The following TMEM120B variants were observed in gnomAD, a reference collection of about 807,000 sequenced individuals.
The protein encoded by TMEM120B is transmembrane protein 120B.
A neutral mutation model predicts 55.5 loss-of-function variants in TMEM120B; 31 were observed. That is an observed-to-expected ratio of 0.56 (90% CI 0.42 to 0.75). The LOEUF is 0.75. Among genes scored for constraint, TMEM120B ranks in the 30% least tolerant of loss-of-function variants. The pLI is 0.00. For synonymous variants in TMEM120B, 203 were observed against 176.3 expected (o/e 1.15, Z -1.20); for missense variants, 399 against 425.5 (o/e 0.94, Z 0.55).
In TMEM120B at chr12:121,775,727, C is replaced by A. The variant is rs563651797; in HGVS notation, c.*5C>A. 3 of 1,613,728 alleles carry A rather than the reference C, an allele frequency of 1.9e-6. No homozygotes were observed. The South Asian group carries it at 3.3e-5, about 18-fold the overall frequency. On this transcript the variant is annotated 3_prime_UTR_variant, in exon 12 of 12. Coordinates refer to ENST00000449592, the MANE Select transcript of TMEM120B (RefSeq NM_001080825.2). The surrounding 1 kb of genome is among the most constrained non-coding windows in gnomAD (Gnocchi z 4.3). ...GGCAAGACAAAGCAGCCGTGAGCCT[C>A]GGGCTCCTGTGCCCTCGGCCCGGAC...
rs372637826 is a variant in TMEM120B, at chr12:121,715,996, C to T, written c.69+3032C>T. On this transcript the variant is annotated intron_variant, in intron 1 of 11. Coordinates refer to ENST00000449592, the MANE Select transcript of TMEM120B (RefSeq NM_001080825.2). Reference sequence around the variant, plus strand: ...CGTATGTGCTGGGCAGTTTCGGATACGAGATATTTGTTGGGAGCTCGGTGC... The same window carrying T: ...CGTATGTGCTGGGCAGTTTCGGATATGAGATATTTGTTGGGAGCTCGGTGC... Among the ~76,000 whole-genome samples, 6 of 149,872 alleles carry T rather than the reference C, an allele frequency of 4.0e-5. No homozygotes were observed. In the South Asian group the frequency reaches 8.6e-4, roughly 21 times the overall value.
intron 9 of TMEM120B, 95 bp downstream of exon 9, chr12:121,773,608 C>A: frequency 2.2e-6 from 2 of 913,898 alleles, no homozygotes; most frequent in Non-Finnish European, 3.2e-6. Context: ...TCCCATACAG[C>A]GGAGCCAGGC....
At chr12:121,758,320 C>T (rs1158482592) in intron 5 of TMEM120B, 2 of 985,398 alleles carry the variant, frequency 2.0e-6, no homozygotes, top group African/African-American at 1.7e-5. Flanking sequence ...TCTGCCGGCC[C>T]TCCATGCTGA....
chr12:121,766,483 C>T (rs1345878248), intron 6 of TMEM120B, among the ~76,000 whole-genome samples: 1 of 152,162 alleles, frequency 6.6e-6, no homozygotes, highest in African/African-American at 2.4e-5. Context: ...CCCCAGCGGC[C>T]CCCAGGCAGG....
chr12:121,746,803 A>G (rs151212378), intron 2 of TMEM120B, among the ~76,000 whole-genome samples: 286 of 152,016 alleles, frequency 1.9e-3, no homozygotes, highest in Non-Finnish European at 3.3e-3. Context: ...AAATACAAAA[A>G]AAAAATTAGC....
At chr12:121,751,103 CA>C in intron 4 of TMEM120B, among the ~76,000 whole-genome samples, 3 of 138,518 alleles carry the variant, frequency 2.2e-5, no homozygotes, top group Admixed American at 7.1e-5. Context: ...ACCCCACACC[CA>C]CACCCCAAAC....
intron 2 of TMEM120B, among the ~76,000 whole-genome samples, chr12:121,745,041 G>A (rs998063612): frequency 2.0e-5 from 3 of 152,178 alleles, no homozygotes; most frequent in Non-Finnish European, 4.4e-5. Flanking sequence ...TGTGGGGGCC[G>A]TGCAGTGCAC....
intron 5 of TMEM120B, among the ~76,000 whole-genome samples, chr12:121,752,855 C>G (rs1253761512): frequency 1.3e-5 from 2 of 152,044 alleles, no homozygotes; most frequent in Non-Finnish European, 2.9e-5. Flanking sequence ...AATCCCAGTA[C>G]AGTACTTTGG....
intron 1 of TMEM120B, among the ~76,000 whole-genome samples, chr12:121,730,526 C>G (rs2137043551): frequency 6.6e-6 from 1 of 151,470 alleles, no homozygotes; most frequent in Middle Eastern, 3.4e-3. Flanking sequence ...TACTGCATGC[C>G]TGTAGCCCCA....
intron 1 of TMEM120B, among the ~76,000 whole-genome samples, chr12:121,713,488 C>T (rs536976471): frequency 6.6e-6 from 1 of 152,288 alleles, no homozygotes; most frequent in East Asian, 1.9e-4. Flanking sequence ...ACCCCTATTT[C>T]CTGTCTTTGG....
chr12:121,713,068 G>T, intron 1 of TMEM120B, 104 bp downstream of exon 1: 2 of 936,126 alleles, frequency 2.1e-6, no homozygotes, highest in Non-Finnish European at 3.1e-6. Context: ...AGGGCCTAGG[G>T]AGTGCCCCGG....
intron 6 of TMEM120B, among the ~76,000 whole-genome samples, chr12:121,762,640 C>T (rs1378242844): frequency 6.6e-6 from 1 of 152,152 alleles, no homozygotes; most frequent in East Asian, 1.9e-4. Flanking sequence ...GGAATGGTTC[C>T]TCAGAGGAAA....
At chr12:121,756,252 C>T (rs1873472579) in intron 5 of TMEM120B, among the ~76,000 whole-genome samples, 1 of 152,108 alleles carries the variant, frequency 6.6e-6, no homozygotes, top group African/African-American at 2.4e-5. Context: ...AATCCCAGCA[C>T]TTTGGAAGGC....
In TMEM120B at chr12:121,775,743, C is replaced by T. The variant is rs372787345; in HGVS notation, c.*21C>T. On this transcript the variant is annotated 3_prime_UTR_variant, in exon 12 of 12. Transcript: ENST00000449592. The surrounding 1 kb of genome is among the most constrained non-coding windows in gnomAD (Gnocchi z 4.3). ...CGTGAGCCTCGGGCTCCTGTGCCCTCGGCCCGGACTTCAGACTGCAGGGGG... is the reference window on the plus strand; with the variant it reads ...CGTGAGCCTCGGGCTCCTGTGCCCTTGGCCCGGACTTCAGACTGCAGGGGG... 3.0e-5 allele frequency: 49 copies of T among 1,612,420 alleles called. No individual in the cohort carries two copies. The highest frequency in any genetic ancestry group is 9.3e-5 in the African/African-American group (7 of 74,926).
In TMEM120B at chr12:121,781,442, G is replaced by T. The variant is rs1053149450; in HGVS notation, c.*5720G>T. ...GCCGTGATCATGCCACTGCACTCCAGCCTGGGTGACAGAGCGAGACCCTGT... is the reference window on the plus strand; with the variant it reads ...GCCGTGATCATGCCACTGCACTCCATCCTGGGTGACAGAGCGAGACCCTGT... On this transcript the variant is annotated 3_prime_UTR_variant, in exon 12 of 12. Coordinates refer to ENST00000449592, the MANE Select transcript of TMEM120B (RefSeq NM_001080825.2). 5 of 456,358 alleles carry T rather than the reference G, an allele frequency of 1.1e-5. No homozygotes were observed. The highest frequency in any genetic ancestry group is 7.3e-5 in the Admixed American group (2 of 27,228). The allele number at this position is 456,358 out of a possible 1,614,324, so 28.3% of individuals were successfully genotyped here.
intron 6 of TMEM120B, among the ~76,000 whole-genome samples, chr12:121,766,135 C>T (rs565268716): frequency 5.9e-5 from 9 of 152,174 alleles, no homozygotes; most frequent in Admixed American, 5.2e-4. Flanking sequence ...CTGATGGAGG[C>T]GCTTTTGTCC....
intron 9 of TMEM120B, 80 bp downstream of exon 9, chr12:121,773,593 G>A: frequency 5.4e-6 from 6 of 1,111,680 alleles, no homozygotes; most frequent in South Asian, 1.6e-5. Context: ...AGCCCTGCGA[G>A]CACCTCCCAT....
intron 6 of TMEM120B, among the ~76,000 whole-genome samples, chr12:121,763,474 T>G (rs1484982307): frequency 6.6e-6 from 1 of 151,674 alleles, no homozygotes; most frequent in African/African-American, 2.4e-5. Context: ...GATGGAGTCT[T>G]GTTCTGTGGC....
chr12:121,770,987 G>A lies in TMEM120B; in HGVS notation c.617+15G>A, dbSNP rs536549611. On this transcript the variant is annotated intron_variant, in intron 7 of 11. Coordinates refer to ENST00000449592, the MANE Select transcript of TMEM120B (RefSeq NM_001080825.2). ...ATGCTGACCTGGTGAGTAGCCCCTC[G>A]CTGGGCCCCTCCAGCCTCCCAGGGA... The A allele has an allele frequency of 6.3e-5, 101 of 1,612,926 alleles. No homozygotes were observed. The highest frequency in any genetic ancestry group is 4.9e-4 in the East Asian group (22 of 44,880).
Sources: allele counts gnomAD v4.1 joint callset (sites outside exome capture counted in the v4.1 genomes callset), GRCh38; gene constraint gnomAD v4.1.1; non-coding constraint Gnocchi (gnomAD v3.1); transcripts MANE v1.5; gene names NCBI Gene and HGNC (gene_info 2026-07-23, HGNC 2026-07-21).